Variants in PGM2L1 observed in about 807,000 individuals in gnomAD.
PGM2L1 encodes phosphoglucomutase 2 like 1.
In PGM2L1, 35 loss-of-function variants were observed where a neutral mutation model predicts 73.4. The observed-to-expected ratio is 0.48, with a 90% CI of 0.36 to 0.63. PGM2L1 has a LOEUF of 0.63. PGM2L1 is among the 30% of genes least tolerant of loss of function. The pLI, the probability that PGM2L1 is intolerant of heterozygous loss-of-function variation, is 0.00. For missense variants in PGM2L1, 570 were observed against 742.0 expected, an observed-to-expected ratio of 0.77 and a Z score of 2.69; for synonymous variants, 225 against 253.8, an observed-to-expected ratio of 0.89 and a Z score of 1.08.
At chr11:74,342,126 T>C (rs1166155478) in intron 12 of PGM2L1, among the ~76,000 whole-genome samples, 1 of 152,230 alleles carries the variant, frequency 6.6e-6, no homozygotes, top group African/African-American at 2.4e-5. Context: ...AGTGAGGTCA[T>C]GACCAGTGCT....
chr11:74,398,202 A>G lies in PGM2L1; in HGVS notation c.-41T>C. 6.3e-7 allele frequency: 1 copy of G among 1,580,794 alleles called. No individual in the cohort carries two copies. The highest frequency in any genetic ancestry group is 8.6e-7 in the Non-Finnish European group (1 of 1,162,266). On this transcript the variant is annotated 5_prime_UTR_variant, in exon 1 of 14. Transcript: ENST00000298198. ...GTACGGGCCGGGGGCCGGCGAAGACACTGAGTTGGGGTGGGGGGTGGCTTG... is the reference window on the plus strand; with the variant it reads ...GTACGGGCCGGGGGCCGGCGAAGACGCTGAGTTGGGGTGGGGGGTGGCTTG...
At chr11:74,345,675 T>C in intron 8 of PGM2L1, 26 bp from the exon 9 acceptor site, 1 of 1,596,500 alleles carries the variant, frequency 6.3e-7, no homozygotes, top group South Asian at 1.1e-5. Flanking sequence ...AAATACAATG[T>C]CAAGACCTTT....
At position 74,351,999 on chromosome 11, in the gene PGM2L1, G is replaced by A. The variant is rs530503962; in HGVS notation, c.556-423C>T. Among the ~76,000 whole-genome samples, 170 of 150,946 alleles carry A rather than the reference G, an allele frequency of 1.1e-3. 1 individual carries two copies. Among genetic ancestry groups the A allele is most frequent in the Non-Finnish European group, 1.5e-3 (104 of 67,720 alleles). ...AAATAAAAATAAAAATAAAAATAAA[G>A]CATATCAAATTGATCAAATAAAAAA... On this transcript the variant is annotated intron_variant, in intron 5 of 13. Coordinates refer to ENST00000298198, the MANE Select transcript of PGM2L1 (RefSeq NM_173582.6).
At chr11:74,391,796 G>T (rs1210101453) in intron 1 of PGM2L1, among the ~76,000 whole-genome samples, 1 of 151,802 alleles carries the variant, frequency 6.6e-6, no homozygotes, top group Non-Finnish European at 1.5e-5. Context: ...CTGTTTCTGT[G>T]TATTTGACTA....
intron 5 of PGM2L1, among the ~76,000 whole-genome samples, chr11:74,358,364 G>C (rs982784901): frequency 6.6e-6 from 1 of 152,088 alleles, no homozygotes; most frequent in Non-Finnish European, 1.5e-5. Flanking sequence ...TCAGGGAAAC[G>C]CAAATATCTT....
chr11:74,357,486 A>G (rs1229277161), intron 5 of PGM2L1, among the ~76,000 whole-genome samples: 1 of 152,252 alleles, frequency 6.6e-6, no homozygotes, highest in Non-Finnish European at 1.5e-5. Context: ...ATACTACTGC[A>G]CACCTATTAG....
chr11:74,336,893 C>T, intron 13 of PGM2L1, 139 bp from the exon 14 acceptor site: 1 of 543,758 alleles, frequency 1.8e-6, no homozygotes. Context: ...TTGGTTAAAA[C>T]AAAACAAGAC....
At chr11:74,337,356 C>A (rs531902) in intron 13 of PGM2L1, among the ~76,000 whole-genome samples, 8,161 of 152,252 alleles carry the variant, frequency 0.054, 707 homozygotes, top group African/African-American at 0.18. Context: ...CATTTTCAAC[C>A]AGATGTAGCA....
chr11:74,377,465 A>T (rs1862874793), intron 1 of PGM2L1, among the ~76,000 whole-genome samples: 1 of 152,166 alleles, frequency 6.6e-6, no homozygotes, highest in Non-Finnish European at 1.5e-5. Context: ...TTTTATGTAG[A>T]ACTCAGGTAT....
intron 1 of PGM2L1, among the ~76,000 whole-genome samples, chr11:74,382,687 T>C (rs1426082248): frequency 2.6e-5 from 4 of 152,022 alleles, no homozygotes; most frequent in African/African-American, 7.2e-5. Flanking sequence ...TTTGTAGAGA[T>C]TGGGTCTTGC....
intron 5 of PGM2L1, among the ~76,000 whole-genome samples, chr11:74,353,871 C>T (rs1298446): frequency 0.074 from 1,092 of 14,726 alleles, 12 homozygotes; most frequent in Middle Eastern, 0.23. Flanking sequence ...GATGGGGTGG[C>T]TGCCGGGCGG....
intron 5 of PGM2L1, among the ~76,000 whole-genome samples, chr11:74,361,781 T>C (rs957725102): frequency 2.6e-5 from 4 of 152,086 alleles, no homozygotes; most frequent in Non-Finnish European, 5.9e-5. Context: ...TTTGATCAAC[T>C]GGAAGAAAGG....
chr11:74,362,981 C>G (rs1195301485), intron 5 of PGM2L1, among the ~76,000 whole-genome samples: 2 of 152,118 alleles, frequency 1.3e-5, no homozygotes, highest in African/African-American at 2.4e-5. Flanking sequence ...TGACCACATA[C>G]TTGGAAGTAA....
intron 1 of PGM2L1, among the ~76,000 whole-genome samples, chr11:74,388,365 A>T (rs1863045442): frequency 6.6e-6 from 1 of 152,214 alleles, no homozygotes; most frequent in East Asian, 1.9e-4. Context: ...ACACCTATGT[A>T]TCTATATCTC....
intron 5 of PGM2L1, among the ~76,000 whole-genome samples, chr11:74,351,894 G>A (rs985782444): frequency 1.3e-4 from 20 of 151,854 alleles, no homozygotes; most frequent in Non-Finnish European, 2.1e-4. Context: ...CCCCGGAGGC[G>A]GAGCTTGCAG....
At chr11:74,387,014 T>C (rs1255434065) in intron 1 of PGM2L1, among the ~76,000 whole-genome samples, 1 of 152,236 alleles carries the variant, frequency 6.6e-6, no homozygotes, top group Non-Finnish European at 1.5e-5. Flanking sequence ...TATCATTTTC[T>C]GTCTTTTTAA....
intron 1 of PGM2L1, among the ~76,000 whole-genome samples, chr11:74,391,572 C>A (rs184408317): frequency 8.9e-4 from 135 of 152,004 alleles, no homozygotes; most frequent in South Asian, 6.9e-3. Context: ...TTTCCTGTTC[C>A]TTTTTCATAG....
chr11:74,357,867 C>A lies in PGM2L1; in HGVS notation c.556-6291G>T, dbSNP rs1194578758. On this transcript the variant is annotated intron_variant, in intron 5 of 13. Transcript: ENST00000298198. ...CTGTGCTAAAAAAGAAATGAGCTAT[C>A]CAGCCATGAAAAGACATGGAGGGAA... Among the ~76,000 whole-genome samples the A allele has an allele frequency of 2.0e-5, 3 of 152,138 alleles. No homozygotes were observed. In the East Asian group the frequency reaches 5.8e-4, roughly 29 times the overall value.
intron 1 of PGM2L1, among the ~76,000 whole-genome samples, chr11:74,384,790 G>A (rs193209149): frequency 3.9e-5 from 6 of 152,154 alleles, no homozygotes; most frequent in Admixed American, 3.3e-4. Flanking sequence ...GTCTGTATGC[G>A]GAGTGTTTAC....
Sources: gnomAD v4.1 joint callset for allele counts (sites outside exome capture counted in the v4.1 genomes callset) on GRCh38, gnomAD v4.1.1 for gene constraint, MANE v1.5 for transcripts, NCBI Gene and HGNC (gene_info 2026-07-23, HGNC 2026-07-21) for gene names.